Variants in MSRA observed in about 807,000 individuals in gnomAD.
MSRA encodes methionine sulfoxide reductase A, also known as mitochondrial peptide methionine sulfoxide reductase.
MSRA carries 54 observed loss-of-function variants against 31.3 expected under a neutral mutation model. The ratio of observed to expected loss-of-function variants is 1.73; its 90% CI spans 1.39 to 2.17. The LOEUF (loss-of-function observed/expected upper bound fraction) is 2.17, where lower values mean the gene tolerates loss of function less well. MSRA is among the 30% of genes most tolerant of loss of function. The pLI is 0.00. For synonymous variants in MSRA, 169 were observed against 116.5 expected, an observed-to-expected ratio of 1.45 and a Z score of -2.90; for missense variants, 507 against 300.9, an observed-to-expected ratio of 1.69 and a Z score of -5.07.
intron 5 of MSRA, among the ~76,000 whole-genome samples, chr8:10,358,565 C>CTTTTTTT (rs59106668): frequency 1.4e-4 from 9 of 64,004 alleles, no homozygotes; most frequent in South Asian, 6.4e-4. Context: ...GCATTAGATT[C>CTTTTTTT]TTTTTTTTTT....
chr8:10,343,073 A>G (rs1163397585), intron 5 of MSRA, among the ~76,000 whole-genome samples: 1 of 149,348 alleles, frequency 6.7e-6, no homozygotes, highest in Non-Finnish European at 1.5e-5. Context: ...ACACACACAC[A>G]CATTTTAGCT....
chr8:10,057,216 G>A (rs1802421974), intron 1 of MSRA, among the ~76,000 whole-genome samples: 1 of 152,190 alleles, frequency 6.6e-6, no homozygotes, highest in Admixed American at 6.5e-5. Flanking sequence ...AGCCTGCTGT[G>A]TTCAGGTTAG....
At chr8:10,109,305 G>A (rs1356089865) in intron 1 of MSRA, among the ~76,000 whole-genome samples, 1 of 151,812 alleles carries the variant, frequency 6.6e-6, no homozygotes, top group Non-Finnish European at 1.5e-5. Flanking sequence ...ATGCTAAAGA[G>A]CACAAATGCT....
chr8:10,129,086 G>A (rs1801711717), intron 1 of MSRA, among the ~76,000 whole-genome samples: 1 of 152,176 alleles, frequency 6.6e-6, no homozygotes, highest in African/African-American at 2.4e-5. Flanking sequence ...GCAAATAGAG[G>A]CAGTGGTGGC....
chr8:10,153,600 G>T (rs1459597771), intron 1 of MSRA, among the ~76,000 whole-genome samples: 2 of 152,110 alleles, frequency 1.3e-5, no homozygotes, highest in Non-Finnish European at 2.9e-5. Context: ...TTTGGTGGCA[G>T]TTAGGGATAT....
intron 2 of MSRA, among the ~76,000 whole-genome samples, chr8:10,215,162 C>G (rs1317720716): frequency 6.6e-6 from 1 of 152,160 alleles, no homozygotes; most frequent in Non-Finnish European, 1.5e-5. Flanking sequence ...GATCACTTAT[C>G]CATGAACTTC....
At chr8:10,153,350 C>G (rs1426485771) in intron 1 of MSRA, among the ~76,000 whole-genome samples, 1 of 152,100 alleles carries the variant, frequency 6.6e-6, no homozygotes, top group Non-Finnish European at 1.5e-5. Context: ...ACCTTCCTTT[C>G]CCTCCTGATG....
At chr8:10,180,471 C>G (rs918117820) in intron 1 of MSRA, among the ~76,000 whole-genome samples, 3 of 152,116 alleles carry the variant, frequency 2.0e-5, no homozygotes, top group Non-Finnish European at 4.4e-5. Context: ...GGCCTCTTCC[C>G]TCCTCAGAGG....
At chr8:10,210,765 A>G (rs181269589) in intron 2 of MSRA, among the ~76,000 whole-genome samples, 1 of 146,900 alleles carries the variant, frequency 6.8e-6, no homozygotes, top group African/African-American at 2.5e-5. Context: ...ATGGTGTCTT[A>G]CTCTGTTGCC....
At chr8:10,234,605 C>A (rs529280691) in intron 2 of MSRA, among the ~76,000 whole-genome samples, 1 of 151,778 alleles carries the variant, frequency 6.6e-6, no homozygotes, top group African/African-American at 2.4e-5. Context: ...GTTTAAATAG[C>A]CAGAGTAAAT....
chr8:10,117,180 T>C (rs533865202), intron 1 of MSRA, among the ~76,000 whole-genome samples: 1 of 152,302 alleles, frequency 6.6e-6, no homozygotes, highest in Admixed American at 6.5e-5. Flanking sequence ...CCTAGAGTTC[T>C]TCTAAGTAGG....
Position 10,319,904 on chromosome 8 carries a change from A to G in MSRA, c.458A>G (p.His153Arg), listed in dbSNP as rs1458591479. 1 of 1,571,716 alleles carries G rather than the reference A, an allele frequency of 6.4e-7. No homozygotes were observed. Among genetic ancestry groups the G allele is most frequent in the South Asian group, 1.2e-5 (1 of 82,070 alleles). The change falls in exon 5 of 6, where the codon CAT (histidine) becomes CGT (arginine). Residue 153 changes from histidine (H) to arginine (R), a missense_variant. His to Arg is a conservative substitution (Grantham distance 29, BLOSUM62 0). Coordinates refer to ENST00000317173, the MANE Select transcript of MSRA (RefSeq NM_012331.5). ...CTAGGTATGCGCCAGGGGAACGACC[A>G]TGGCACTCAGTACCGCTCGGCCATC... ...PTQGMRQGND[H>R]GTQYRSAIYP...
intron 2 of MSRA, among the ~76,000 whole-genome samples, chr8:10,242,086 A>G (rs1797359335): frequency 6.6e-6 from 1 of 152,200 alleles, no homozygotes; most frequent in South Asian, 2.1e-4. Flanking sequence ...AGCCTGGCCA[A>G]CATGGCGAAA....
At chr8:10,219,849 C>A (rs1314431324) in intron 2 of MSRA, among the ~76,000 whole-genome samples, 1 of 133,428 alleles carries the variant, frequency 7.5e-6, no homozygotes, top group South Asian at 2.7e-4. Flanking sequence ...AGGTCCAGTA[C>A]AATGTACACC....
At chr8:10,123,111 G>A (rs1159254557) in intron 1 of MSRA, among the ~76,000 whole-genome samples, 1 of 152,192 alleles carries the variant, frequency 6.6e-6, no homozygotes, top group Non-Finnish European at 1.5e-5. Context: ...TTGCCACACT[G>A]CTTTCCGCAA....
intron 1 of MSRA, among the ~76,000 whole-genome samples, chr8:10,107,096 G>A (rs1252377192): frequency 2.6e-5 from 4 of 152,194 alleles, no homozygotes; most frequent in African/African-American, 9.7e-5. Context: ...TGATGATACA[G>A]TGGTGAAGGA....
chr8:10,275,973 C>T (rs528686028), intron 3 of MSRA, among the ~76,000 whole-genome samples: 1 of 152,224 alleles, frequency 6.6e-6, no homozygotes. Flanking sequence ...TGCTAAAAAC[C>T]TGTCCTCTGG....
intron 5 of MSRA, among the ~76,000 whole-genome samples, chr8:10,386,794 T>C (rs1053937165): frequency 3.1e-4 from 47 of 151,564 alleles, no homozygotes; most frequent in African/African-American, 1.1e-3. Flanking sequence ...GGCTTTAGAT[T>C]GCTGAACTAG....
intron 5 of MSRA, among the ~76,000 whole-genome samples, chr8:10,367,796 C>T (rs768094718): frequency 2.0e-5 from 3 of 152,252 alleles, no homozygotes; most frequent in Non-Finnish European, 4.4e-5. Flanking sequence ...CCTTCACCCA[C>T]AGCACATCTG....
Sources: gnomAD v4.1 joint callset for allele counts (sites outside exome capture counted in the v4.1 genomes callset) on GRCh38, gnomAD v4.1.1 for gene constraint, MANE v1.5 for transcripts, NCBI Gene and HGNC (gene_info 2026-07-23, HGNC 2026-07-21) for gene names.